MAMSTR: variants seen among roughly 807,000 people sequenced by gnomAD.
MAMSTR encodes MEF2-activating motif and SAP domain-containing transcriptional regulator.
Under a neutral mutation model 42.7 loss-of-function variants are expected in MAMSTR, and 41 were observed. That is an observed-to-expected ratio of 0.96 (90% CI 0.75 to 1.25). The LOEUF is 1.25. MAMSTR is among the 50% of genes most tolerant of loss of function. The probability of loss-of-function intolerance (pLI) is 0.00; values close to 1 mark genes in which losing one functional copy is unlikely to be tolerated. For synonymous variants in MAMSTR, 265 were observed against 244.1 expected, an observed-to-expected ratio of 1.09 and a Z score of -0.80; for missense variants, 567 against 557.6, an observed-to-expected ratio of 1.02 and a Z score of -0.17.
intron 7 of MAMSTR, among the ~76,000 whole-genome samples, 158 bp downstream of exon 7, chr19:48,714,208 A>T (rs375155475): frequency 3.9e-5 from 6 of 152,034 alleles, no homozygotes; most frequent in African/African-American, 1.4e-4. Context: ...TTCTCTAAAG[A>T]TCCGCCCCCT....
Position 48,714,538 on chromosome 19 carries a change from A to G in MAMSTR, c.551T>C (p.Leu184Pro). ...CGACACTGGGAGGCCCCGCAGGCGCAGCTGCTGCCGGAGCTCTGAGACCTG... is the reference window on the plus strand; with the variant it reads ...CGACACTGGGAGGCCCCGCAGGCGCGGCTGCTGCCGGAGCTCTGAGACCTG... ...ELTVSELRQQ[L>P]RLRGLPVSGT... is the part of the protein sequence containing the mutation. The change falls in exon 7 of 10, where the codon CTG becomes CCG. Residue 184 changes from leucine to proline, a missense_variant. By Grantham distance (98) the Leu-to-Pro change is moderately conservative (BLOSUM62 -3). Transcript: ENST00000318083. 6.9e-7 allele frequency: 1 copy of G among 1,458,200 alleles called. No homozygotes were observed. Among genetic ancestry groups the G allele is most frequent in the Admixed American group, 2.7e-5 (1 of 36,400 alleles). The allele number at this position is 1,458,200 out of a possible 1,614,324, so 90.3% of individuals were successfully genotyped here.
chr19:48,715,683 C>T lies in MAMSTR; in HGVS notation c.182G>A (p.Ser61Asn). ...LPSGTAPFLF[S>N]PGVLLPEPEY... ...TGGCTCGGGGAGCAGGACCCCAGGG[C>T]TGAAGAGGAAAGGGGCCGTGCCCGA... The change falls in exon 4 of 10, where the codon AGC (serine) becomes AAC (asparagine). Residue 61 changes from serine (S) to asparagine (N), a missense_variant. Ser to Asn is a conservative substitution (Grantham distance 46). Transcript: ENST00000318083. 1 of 1,540,702 alleles carries T rather than the reference C, an allele frequency of 6.5e-7. No individual in the cohort carries two copies. The highest frequency in any genetic ancestry group is 8.7e-7 in the Non-Finnish European group (1 of 1,144,328).
intron 5 of MAMSTR, 106 bp downstream of exon 5, chr19:48,715,156 G>A (rs2032945365): frequency 6.2e-6 from 6 of 971,802 alleles, no homozygotes; most frequent in African/African-American, 3.3e-5. Flanking sequence ...TGGGAGAAGA[G>A]AGGGTTGGGG....
At chr19:48,716,354 G>A (rs910796345) in intron 3 of MAMSTR, among the ~76,000 whole-genome samples, 1 of 114,990 alleles carries the variant, frequency 8.7e-6, no homozygotes, top group African/African-American at 3.5e-5. Context: ...CCAGCCTGGC[G>A]ACAGAGCAAG....
At chr19:48,714,990 C>T in intron 5 of MAMSTR, 82 bp from the exon 6 acceptor site, 1 of 929,792 alleles carries the variant, frequency 1.1e-6, no homozygotes. Context: ...AGACGGGGAG[C>T]TGGGGAAGAT....
At chr19:48,714,634 A>G in intron 6 of MAMSTR, 74 bp from the exon 7 acceptor site, 1 of 1,413,618 alleles carries the variant, frequency 7.1e-7, no homozygotes, top group Non-Finnish European at 9.5e-7. Context: ...TGGACAGGAT[A>G]TTTGGAAACC....
chr19:48,707,859 G>GAAAGAA (rs769163517), downstream of MAMSTR, among the ~76,000 whole-genome samples: 1 of 99,242 alleles, frequency 1.0e-5, no homozygotes, highest in Non-Finnish European at 2.1e-5. Flanking sequence ...AAGAAAGAAA[G>GAAAGAA]AAAGAAAGAA....
chr19:48,710,427 T>TC, downstream of MAMSTR, among the ~76,000 whole-genome samples: 1 of 69,694 alleles, frequency 1.4e-5, no homozygotes, highest in Admixed American at 1.4e-4. Flanking sequence ...TTTTTTTTTT[T>TC]TTTTTTTTTT....
rs761763788 is a variant in MAMSTR at position 48,713,741 on chromosome 19, G to A, written c.939C>T (p.Ile313=). 2 of 1,614,212 alleles carry A rather than the reference G, an allele frequency of 1.2e-6. No individual in the cohort carries two copies. The highest frequency in any genetic ancestry group is 2.2e-5 in the East Asian group (1 of 44,884). The change falls in exon 9 of 10, where the codon ATC becomes ATT. Residue 313 remains isoleucine, a synonymous_variant. Coordinates refer to ENST00000318083, the MANE Select transcript of MAMSTR (RefSeq NM_001130915.2). ...QLLPNRGIDD[I]LEDQVEPDDP... is the part of the protein sequence containing the mutation. ...CATCAGGCTCCACCTGATCCTCCAGGATGTCATCGATGCCCCGGTTAGGAA... is the reference window on the plus strand; with the variant it reads ...CATCAGGCTCCACCTGATCCTCCAGAATGTCATCGATGCCCCGGTTAGGAA...
chr19:48,707,898 AAGAAAGG>A, downstream of MAMSTR, among the ~76,000 whole-genome samples: 9 of 60,436 alleles, frequency 1.5e-4, no homozygotes, highest in Admixed American at 1.1e-3. Context: ...AAAAGAAAGA[AAGAAAGG>A]AAGAAAGAAA....
At chr19:48,715,918 C>T (rs1160380052) in intron 3 of MAMSTR, 151 bp from the exon 4 acceptor site, 1 of 1,432,366 alleles carries the variant, frequency 7.0e-7, no homozygotes, top group Non-Finnish European at 9.1e-7. Context: ...TGAACTGGAT[C>T]TGAGGGCGGA....
At chr19:48,715,475 T>C in intron 4 of MAMSTR, 29 bp from the exon 5 acceptor site, 1 of 1,470,866 alleles carries the variant, frequency 6.8e-7, no homozygotes, top group Non-Finnish European at 9.0e-7. Flanking sequence ...TGTTTTAGGC[T>C]TCAGCGCGGC....
rs2032801949 is a variant in MAMSTR at position 48,713,378 on chromosome 19, CA to C, written c.1136del (p.Leu379ArgfsTer41). The C allele has an allele frequency of 6.2e-7, 1 of 1,610,910 alleles. No individual in the cohort carries two copies. Among genetic ancestry groups the C allele is most frequent in the Non-Finnish European group, 8.5e-7 (1 of 1,179,164 alleles). ...CAGAACCCAGAGGAGGACCCCCGCT[CA>C]GGGCCTCCAGCCAGTCCAGGGAGTC... is the stretch of plus-strand genomic sequence containing the variant. ...PTDSLDWLEALSGGPPLGSGP... is the reference protein window; with the variant it reads ...PTDSLDWLEAXSGGPPLGSGP... On this transcript the variant is annotated frameshift_variant, in exon 10 of 10. Coordinates refer to ENST00000318083, the MANE Select transcript of MAMSTR (RefSeq NM_001130915.2). LOFTEE classifies it high-confidence loss of function.
At chr19:48,717,006 G>A (rs975769564) in intron 2 of MAMSTR, 62 of 1,124,010 alleles carry the variant, frequency 5.5e-5, no homozygotes, top group Non-Finnish European at 6.2e-5. Flanking sequence ...CCCTGCCCCC[G>A]GCTCCACCTG....
downstream of MAMSTR, among the ~76,000 whole-genome samples, chr19:48,708,981 A>G (rs1411105366): frequency 6.6e-6 from 1 of 152,032 alleles, no homozygotes; most frequent in Non-Finnish European, 1.5e-5. Context: ...ATTGATATGG[A>G]GAGTGATACA....
At chr19:48,717,729 G>C (rs1000687469) in intron 2 of MAMSTR, among the ~76,000 whole-genome samples, 2 of 145,684 alleles carry the variant, frequency 1.4e-5, no homozygotes, top group Admixed American at 1.4e-4. Flanking sequence ...TTTTGAGACA[G>C]AGTATCGCTC....
downstream of MAMSTR, among the ~76,000 whole-genome samples, chr19:48,709,639 C>T (rs1341270800): frequency 4.6e-5 from 7 of 152,178 alleles, no homozygotes; most frequent in Non-Finnish European, 7.3e-5. Flanking sequence ...GGGACTGACC[C>T]TCCCAGGGAT....
chr19:48,718,368 A>G (rs970594986), intron 2 of MAMSTR, among the ~76,000 whole-genome samples: 2 of 145,426 alleles, frequency 1.4e-5, no homozygotes, highest in African/African-American at 5.1e-5. Context: ...AGTTCGAAAC[A>G]CTTGCACACT....
At chr19:48,711,541 G>A (rs1438894170), downstream of MAMSTR, among the ~76,000 whole-genome samples, 1 of 140,110 alleles carries the variant, frequency 7.1e-6, no homozygotes, top group African/African-American at 2.6e-5. Context: ...TCTAAGTTTT[G>A]GGGTGGTGTG....
Sources: gnomAD v4.1 joint callset for allele counts (sites outside exome capture counted in the v4.1 genomes callset) on GRCh38, gnomAD v4.1.1 for gene constraint, MANE v1.5 for transcripts, NCBI Gene and HGNC (gene_info 2026-07-23, HGNC 2026-07-21) for gene names.